Variants in FARP1 observed in about 807,000 individuals in gnomAD.
The protein encoded by FARP1 is FERM, ARH/RhoGEF and pleckstrin domain protein 1, also known as FERM, ARHGEF and pleckstrin domain-containing protein 1.
In FARP1, 52 loss-of-function variants were observed where a neutral mutation model predicts 128.8. The observed-to-expected ratio is 0.40, with a 90% CI of 0.32 to 0.51. The LOEUF (loss-of-function observed/expected upper bound fraction) is 0.51. Ranked by LOEUF, FARP1 falls within the 20% of genes least tolerant of loss-of-function variation. The pLI is 0.45. For missense variants in FARP1, 1,333 were observed against 1,367.9 expected (o/e 0.97, Z 0.40); for synonymous variants, 580 against 551.8 (o/e 1.05, Z -0.72).
chr13:98,446,905 A>G (rs1462803640), intron 26 of FARP1, 88 bp downstream of exon 26: 4 of 1,412,576 alleles, frequency 2.8e-6, no homozygotes, highest in Non-Finnish European at 3.9e-6. Flanking sequence ...AGCGAGTGAG[A>G]TGGCCCCACC....
At chr13:98,280,638 G>A (rs1343556866) in intron 2 of FARP1, among the ~76,000 whole-genome samples, 1 of 152,082 alleles carries the variant, frequency 6.6e-6, no homozygotes, top group Non-Finnish European at 1.5e-5. Flanking sequence ...ACCCTGGGGG[G>A]TTTCTGTTCA....
intron 1 of FARP1, among the ~76,000 whole-genome samples, chr13:98,151,116 C>T (rs1453187038): frequency 6.6e-6 from 1 of 151,648 alleles, no homozygotes; most frequent in Non-Finnish European, 1.5e-5. Context: ...CCACTCTGTC[C>T]CTTCTTCATT....
At position 98,390,094 on chromosome 13, in the gene FARP1, T is replaced by G; in HGVS notation, c.993T>G (p.Phe331Leu). ...AACCAAAGCCCAAGCCCGTCCTCTTTAGCCGGGGGTCATCATTTCGGTTCA... is the reference window on the plus strand; with the variant it reads ...AACCAAAGCCCAAGCCCGTCCTCTTGAGCCGGGGGTCATCATTTCGGTTCA... ...EPKPKPKPVL[F>L]SRGSSFRFSG... The change falls in exon 10 of 27, where the codon TTT (phenylalanine) becomes TTG (leucine). Residue 331 changes from phenylalanine to leucine, a missense_variant. Around this residue, in one of 2 missense-constraint regions of FARP1, gnomAD observed 1,009 missense variants for 969.8 expected, o/e 1.04. Transcript: ENST00000319562. 2.5e-6 allele frequency: 4 copies of G among 1,614,018 alleles called. No individual in the cohort carries two copies. Among genetic ancestry groups the G allele is most frequent in the Non-Finnish European group, 3.4e-6 (4 of 1,179,980 alleles).
intron 24 of FARP1, among the ~76,000 whole-genome samples, chr13:98,444,437 C>T (rs962623532): frequency 6.6e-6 from 1 of 152,166 alleles, no homozygotes; most frequent in African/African-American, 2.4e-5. Flanking sequence ...TGGTCTGGTT[C>T]TGAACAAGGA....
chr13:98,385,355 A>G (rs559306304), intron 7 of FARP1, among the ~76,000 whole-genome samples: 7 of 152,334 alleles, frequency 4.6e-5, no homozygotes, highest in African/African-American at 1.7e-4. Flanking sequence ...ATCTTGTTTT[A>G]ACCCAGTGGT....
intron 2 of FARP1, among the ~76,000 whole-genome samples, chr13:98,316,988 C>A (rs1391319439): frequency 7.2e-5 from 11 of 152,196 alleles, no homozygotes; most frequent in Non-Finnish European, 1.5e-4. Context: ...AAATCACCCC[C>A]AGAATTACAG....
chr13:98,403,465 T>C (rs1048604113), intron 13 of FARP1: 1 of 152,230 alleles, frequency 6.6e-6, no homozygotes. Context: ...TCAATTGGGA[T>C]AGAAACCTTT....
chr13:98,278,168 A>AGT (rs1291047216), intron 2 of FARP1, among the ~76,000 whole-genome samples: 3 of 131,588 alleles, frequency 2.3e-5, no homozygotes, highest in East Asian at 2.3e-4. Context: ...TGTATGAGTG[A>AGT]GTGAGTGTGT....
At chr13:98,413,546 G>C (rs1172807331) in intron 16 of FARP1, among the ~76,000 whole-genome samples, 1 of 152,166 alleles carries the variant, frequency 6.6e-6, no homozygotes, top group Non-Finnish European at 1.5e-5. Flanking sequence ...TGTGGTCCCA[G>C]CTACTGGAGA....
intron 1 of FARP1, among the ~76,000 whole-genome samples, chr13:98,181,188 A>G (rs183222284): frequency 2.2e-4 from 34 of 152,298 alleles, no homozygotes; most frequent in African/African-American, 7.5e-4. Flanking sequence ...AGGTCCACAC[A>G]TGCCTACTAA....
intron 26 of FARP1, 62 bp from the exon 27 acceptor site, chr13:98,448,174 C>T: frequency 7.2e-7 from 1 of 1,392,238 alleles, no homozygotes. Flanking sequence ...AAGCGATGCC[C>T]ACCAAAGTGT....
intron 2 of FARP1, among the ~76,000 whole-genome samples, chr13:98,217,645 G>A (rs559170025): frequency 1.3e-5 from 2 of 152,316 alleles, no homozygotes; most frequent in East Asian, 3.9e-4. Context: ...TACACCGGGA[G>A]GTGCCTGGGC....
At chr13:98,195,467 A>G (rs1879511559) in intron 1 of FARP1, among the ~76,000 whole-genome samples, 1 of 152,108 alleles carries the variant, frequency 6.6e-6, no homozygotes, top group Admixed American at 6.5e-5. Context: ...GTTTTAAACT[A>G]TATTTATTTA....
chr13:98,397,919 A>AAATAAAG (rs61501785), intron 13 of FARP1: 2 of 124,332 alleles, frequency 1.6e-5, no homozygotes, highest in East Asian at 2.2e-4. Context: ...AAAAAAAAAA[A>AAATAAAG]GATAAATTGT....
intron 1 of FARP1, among the ~76,000 whole-genome samples, chr13:98,182,706 C>T (rs1435096685): frequency 6.6e-6 from 1 of 152,182 alleles, no homozygotes; most frequent in African/African-American, 2.4e-5. Flanking sequence ...GATAGCTGTT[C>T]CTTGCTTTTA....
chr13:98,425,805 G>T (rs1891765390), intron 17 of FARP1, among the ~76,000 whole-genome samples: 2 of 152,132 alleles, frequency 1.3e-5, no homozygotes, highest in Admixed American at 1.3e-4. Flanking sequence ...TAAAAAGTCT[G>T]CCCCATCTCT....
chr13:98,366,682 C>G (rs565502900), intron 4 of FARP1, among the ~76,000 whole-genome samples: 60 of 152,342 alleles, frequency 3.9e-4, no homozygotes, highest in African/African-American at 1.3e-3. Flanking sequence ...TAGCATCTTC[C>G]TAGTTTCAAG....
chr13:98,445,970 G>A, intron 24 of FARP1, 128 bp from the exon 25 acceptor site: 1 of 630,148 alleles, frequency 1.6e-6, no homozygotes, highest in Non-Finnish European at 2.8e-6. Flanking sequence ...GGGGGAGCGG[G>A]GGTGGGGCCC....
chr13:98,146,301 T>C (rs1366982724), intron 1 of FARP1, among the ~76,000 whole-genome samples: 1 of 152,172 alleles, frequency 6.6e-6, no homozygotes, highest in Non-Finnish European at 1.5e-5. Context: ...CAATCTCGGC[T>C]CACTGAAACC....
Sources: gnomAD v4.1 joint callset for allele counts (sites outside exome capture counted in the v4.1 genomes callset) on GRCh38, gnomAD v4.1.1 for gene constraint, gnomAD v4.1.1 regional missense constraint, MANE v1.5 for transcripts, NCBI Gene and HGNC (gene_info 2026-07-23, HGNC 2026-07-21) for gene names.